Variants in EXOC2 observed in about 807,000 individuals in gnomAD.
The protein encoded by EXOC2 is SEC5-like 1.
EXOC2 carries 70 observed loss-of-function variants against 131.8 expected under a neutral mutation model. The ratio of observed to expected loss-of-function variants is 0.53; its 90% CI spans 0.44 to 0.65. EXOC2 has a LOEUF of 0.65. Ranked by LOEUF, EXOC2 falls within the 30% of genes least tolerant of loss-of-function variation. EXOC2 has a pLI of 0.00. For missense variants in EXOC2, 923 were observed against 1,108.6 expected, an observed-to-expected ratio of 0.83 and a Z score of 2.38; for synonymous variants, 411 against 398.4, an observed-to-expected ratio of 1.03 and a Z score of -0.38.
intron 23 of EXOC2, among the ~76,000 whole-genome samples, chr6:504,612 A>G (rs1764423182): frequency 6.6e-6 from 1 of 152,152 alleles, no homozygotes; most frequent in Non-Finnish European, 1.5e-5. Context: ...CTTGAGATGG[A>G]ATTTCCTGGC....
chr6:597,953 G>A (rs1759910601), intron 10 of EXOC2, 68 bp downstream of exon 10: 5 of 1,137,822 alleles, frequency 4.4e-6, no homozygotes, highest in Admixed American at 2.1e-5. Context: ...TTAGCCTTAA[G>A]GGTTACAAGA....
chr6:495,204 C>T (rs536078946), intron 25 of EXOC2, among the ~76,000 whole-genome samples: 32 of 150,144 alleles, frequency 2.1e-4, no homozygotes, highest in East Asian at 9.9e-4. Context: ...CGGCTCACTG[C>T]GAGCTCCACC....
chr6:654,474 G>A (rs1263299859), intron 1 of EXOC2, among the ~76,000 whole-genome samples: 2 of 152,086 alleles, frequency 1.3e-5, no homozygotes, highest in Non-Finnish European at 2.9e-5. Flanking sequence ...GGATGTCACC[G>A]CAAGTATGGT....
At chr6:590,454 G>C (rs1363028656) in intron 11 of EXOC2, among the ~76,000 whole-genome samples, 1 of 152,166 alleles carries the variant, frequency 6.6e-6, no homozygotes, top group Non-Finnish European at 1.5e-5. Flanking sequence ...ATGCTAGAAA[G>C]AAACAACGGC....
chr6:573,452 G>A (rs933486365), intron 12 of EXOC2, among the ~76,000 whole-genome samples: 3 of 152,232 alleles, frequency 2.0e-5, no homozygotes, highest in African/African-American at 7.2e-5. Flanking sequence ...GGGCACTGCA[G>A]AGTCCACCCC....
chr6:497,476 G>A lies in EXOC2; in HGVS notation c.2450C>T (p.Ser817Phe). 1 of 1,611,114 alleles carries A rather than the reference G, an allele frequency of 6.2e-7. No homozygotes were observed. The highest frequency in any genetic ancestry group is 1.7e-4 in the Middle Eastern group (1 of 6,054). Reference sequence around the variant, plus strand: ...TAGTACCCGAGGGACCAGTTCTTTGGAAATGGTGAACACCTGGTTTGAAAT... The same window carrying A: ...TAGTACCCGAGGGACCAGTTCTTTGAAAATGGTGAACACCTGGTTTGAAAT... ...IAVHAEVFTI[S>F]KELVPRVLSK... Residue 817 changes from serine to phenylalanine, a missense_variant, in exon 25 of 28, where the codon TCC becomes TTC. Transcript: ENST00000230449.
rs1446303564 is a variant in EXOC2 at position 667,167 on chromosome 6, T to C, written c.-44+25852A>G. ...GTATTTTACCTTCATTCATCTATAA[T>C]GCTCCTCCTTTCTTCATGTAGATCT... On this transcript the variant is annotated intron_variant, in intron 1 of 27. Coordinates refer to ENST00000230449, the MANE Select transcript of EXOC2 (RefSeq NM_018303.6). Among the ~76,000 whole-genome samples the C allele has an allele frequency of 6.2e-5, 6 of 96,454 alleles. 2 individuals carry two copies. Among genetic ancestry groups the C allele is most frequent in the Non-Finnish European group, 1.5e-4 (6 of 40,800 alleles). The allele number at this position is 96,454 out of a possible 152,430, so 63.3% of individuals were successfully genotyped here.
chr6:676,946 A>T (rs866565926), intron 1 of EXOC2, among the ~76,000 whole-genome samples: 938 of 54,308 alleles, frequency 0.017, 2 homozygotes, highest in African/African-American at 0.026. Flanking sequence ...GTTCCTCTGA[A>T]GACTCTGCGG....
chr6:502,195 T>C (rs1044501210), intron 23 of EXOC2, among the ~76,000 whole-genome samples: 2 of 152,174 alleles, frequency 1.3e-5, no homozygotes, highest in Admixed American at 1.3e-4. Flanking sequence ...AAGCTGCTAT[T>C]TTCGATGCTC....
intron 4 of EXOC2, among the ~76,000 whole-genome samples, chr6:628,735 A>G (rs1260350250): frequency 6.6e-6 from 1 of 152,214 alleles, no homozygotes; most frequent in Non-Finnish European, 1.5e-5. Flanking sequence ...TGAAGCACCC[A>G]TAAGGGGCTT....
intron 12 of EXOC2, among the ~76,000 whole-genome samples, chr6:575,114 A>G (rs1054704193): frequency 2.0e-5 from 3 of 152,224 alleles, no homozygotes; most frequent in Admixed American, 6.5e-5. Flanking sequence ...CCCCTCGTGA[A>G]TGGCTTGGTG....
intron 1 of EXOC2, among the ~76,000 whole-genome samples, chr6:639,002 G>C (rs1262587613): frequency 6.6e-6 from 1 of 152,152 alleles, no homozygotes; most frequent in African/African-American, 2.4e-5. Context: ...AGATGCCCCA[G>C]AAGGTGGGGT....
chr6:489,651 C>G (rs1484579166), intron 26 of EXOC2, among the ~76,000 whole-genome samples: 2 of 152,172 alleles, frequency 1.3e-5, no homozygotes, highest in Non-Finnish European at 2.9e-5. Flanking sequence ...AGAAAAATTA[C>G]CAAACCAAAT....
chr6:660,950 A>G (rs1182947014), intron 1 of EXOC2, among the ~76,000 whole-genome samples: 1 of 152,244 alleles, frequency 6.6e-6, no homozygotes, highest in Non-Finnish European at 1.5e-5. Flanking sequence ...AGATAGCTTA[A>G]AGAAAAAACA....
intron 1 of EXOC2, among the ~76,000 whole-genome samples, chr6:655,681 G>T (rs947998795): frequency 3.9e-5 from 6 of 152,088 alleles, no homozygotes; most frequent in Admixed American, 6.5e-5. Flanking sequence ...CTTTTATCTT[G>T]CAGATATATT....
chr6:551,200 G>A (rs1757125065), intron 21 of EXOC2, among the ~76,000 whole-genome samples: 1 of 152,186 alleles, frequency 6.6e-6, no homozygotes, highest in Non-Finnish European at 1.5e-5. Flanking sequence ...GATTATTTCA[G>A]TGATCCCCCA....
chr6:544,060 C>T (rs1427806017), intron 22 of EXOC2, among the ~76,000 whole-genome samples: 1 of 152,160 alleles, frequency 6.6e-6, no homozygotes, highest in African/African-American at 2.4e-5. Flanking sequence ...GGGGATGGTA[C>T]CACAATTATC....
intron 23 of EXOC2, among the ~76,000 whole-genome samples, chr6:526,402 C>G (rs1581368737): frequency 7.0e-6 from 1 of 142,322 alleles, no homozygotes; most frequent in East Asian, 2.0e-4. Flanking sequence ...TGTGTCTATT[C>G]TACCAGCACA....
In EXOC2 at chr6:564,104, T is replaced by C; in HGVS notation, c.1718A>G (p.Gln573Arg). The stretch of plus-strand genomic sequence containing the variant: ...ATCCAAGATGAGATCCTGGATAGTC[T>C]GTAACAGGTCATTAGGAATTTCAAG... ...TALEIPNDLL[Q>R]TIQDLILDLR... The change falls in exon 16 of 28, where the codon CAG (glutamine) becomes CGG (arginine). Residue 573 changes from glutamine (Q) to arginine (R), a missense_variant. By Grantham distance (43) the Gln-to-Arg change is conservative. Transcript: ENST00000230449. 1 of 1,614,112 alleles carries C rather than the reference T, an allele frequency of 6.2e-7. No individual in the cohort carries two copies. Among genetic ancestry groups the C allele is most frequent in the Non-Finnish European group, 8.5e-7 (1 of 1,180,026 alleles).
Sources: allele counts gnomAD v4.1 joint callset (sites outside exome capture counted in the v4.1 genomes callset), GRCh38; gene constraint gnomAD v4.1.1; transcripts MANE v1.5; gene names NCBI Gene and HGNC (gene_info 2026-07-23, HGNC 2026-07-21).